The following ASPRV1 variants were observed in gnomAD, a reference collection of about 807,000 sequenced individuals.
ASPRV1 encodes aspartic peptidase retroviral like 1.
In ASPRV1, 7 loss-of-function variants were observed where a neutral mutation model predicts 11.0. That is an observed-to-expected ratio of 0.64 (90% CI 0.36 to 1.20). The LOEUF is 1.20. Among genes scored for constraint, ASPRV1 ranks in the 50% most tolerant of loss-of-function variants. ASPRV1 has a pLI of 0.02. For missense variants in ASPRV1, 299 were observed against 320.0 expected, an observed-to-expected ratio of 0.93 and a Z score of 0.50; for synonymous variants, 136 against 138.4, an observed-to-expected ratio of 0.98 and a Z score of 0.12.
At chr2:70,004,510 C>A in the ASPRV1 span, among the ~76,000 whole-genome samples, 1 of 112,948 alleles carries the variant, frequency 8.9e-6, no homozygotes. Flanking sequence ...AGCCTGGCAA[C>A]ACAGCAAAAC....
chr2:70,082,556 C>T, the ASPRV1 span, among the ~76,000 whole-genome samples: 1 of 151,978 alleles, frequency 6.6e-6, no homozygotes, highest in African/African-American at 2.4e-5. Context: ...ACTAAAAATA[C>T]ACAATCAGCC....
At chr2:70,043,397 G>A in the ASPRV1 span, among the ~76,000 whole-genome samples, 1 of 152,046 alleles carries the variant, frequency 6.6e-6, no homozygotes, top group Non-Finnish European at 1.5e-5. Flanking sequence ...CAGCCTGGGT[G>A]GCAGAGTAAG....
chr2:69,944,003 A>G, the ASPRV1 span, among the ~76,000 whole-genome samples: 2 of 152,292 alleles, frequency 1.3e-5, no homozygotes, highest in Admixed American at 1.3e-4. Flanking sequence ...TGGTACTTCT[A>G]CTTTGGAAAG....
the ASPRV1 span, among the ~76,000 whole-genome samples, chr2:69,991,584 G>A: frequency 2.6e-5 from 4 of 151,944 alleles, no homozygotes; most frequent in South Asian, 2.1e-4. Flanking sequence ...TCTCACTCTC[G>A]TTGCCCAGGC....
the ASPRV1 span, among the ~76,000 whole-genome samples, chr2:69,933,760 A>G: frequency 1.3e-5 from 2 of 152,254 alleles, no homozygotes; most frequent in African/African-American, 2.4e-5. Context: ...CACCTGTCCT[A>G]TAGCTTTCTG....
the ASPRV1 span, among the ~76,000 whole-genome samples, chr2:69,935,069 T>C: frequency 6.6e-6 from 1 of 152,220 alleles, no homozygotes; most frequent in South Asian, 2.1e-4. Flanking sequence ...TTACTGTATA[T>C]AGTATTTACA....
the ASPRV1 span, among the ~76,000 whole-genome samples, chr2:69,949,953 T>C: frequency 1.3e-5 from 2 of 152,098 alleles, no homozygotes; most frequent in Non-Finnish European, 2.9e-5. Flanking sequence ...GTAGCTGGGA[T>C]TACAGGCGTC....
the ASPRV1 span, among the ~76,000 whole-genome samples, chr2:70,034,558 G>A: frequency 1.3e-4 from 20 of 149,422 alleles, no homozygotes; most frequent in African/African-American, 4.5e-4. Flanking sequence ...GCGACAGAGC[G>A]AGACTTTGTC....
At chr2:70,078,886 G>T in the ASPRV1 span, among the ~76,000 whole-genome samples, 2 of 152,208 alleles carry the variant, frequency 1.3e-5, no homozygotes, top group Non-Finnish European at 2.9e-5. Flanking sequence ...AAGAGCAAAA[G>T]GAGGAAGACC....
At chr2:69,934,251 T>C in the ASPRV1 span, among the ~76,000 whole-genome samples, 1 of 152,204 alleles carries the variant, frequency 6.6e-6, no homozygotes, top group African/African-American at 2.4e-5. Context: ...GAGGAATCAC[T>C]GTGAGCTAGG....
the ASPRV1 span, among the ~76,000 whole-genome samples, chr2:69,954,978 T>C: frequency 4.6e-5 from 7 of 152,224 alleles, no homozygotes; most frequent in African/African-American, 1.7e-4. Context: ...TTCTCCAGGC[T>C]TGGGGGTTAC....
At chr2:69,954,373 C>A in the ASPRV1 span, among the ~76,000 whole-genome samples, 1 of 152,332 alleles carries the variant, frequency 6.6e-6, no homozygotes, top group African/African-American at 2.4e-5. Flanking sequence ...CTCTATTTTA[C>A]CCCCATTTCC....
chr2:69,933,604 G>C, the ASPRV1 span, among the ~76,000 whole-genome samples: 1 of 152,136 alleles, frequency 6.6e-6, no homozygotes, highest in East Asian at 1.9e-4. Context: ...GGAGAGTTTA[G>C]GACAACTTCC....
At chr2:70,083,767 CAA>C in the ASPRV1 span, 2 of 152,264 alleles carry the variant, frequency 1.3e-5, no homozygotes, top group African/African-American at 4.8e-5. Context: ...GAAAAATAAC[CAA>C]AGTCATCAAA....
the ASPRV1 span, among the ~76,000 whole-genome samples, chr2:69,981,743 G>C: frequency 1.3e-5 from 2 of 152,174 alleles, no homozygotes; most frequent in Admixed American, 6.5e-5. Flanking sequence ...ATTTTTAGTA[G>C]AGATGAGGTT....
chr2:69,935,330 A>G, the ASPRV1 span: 2 of 1,564,532 alleles, frequency 1.3e-6, no homozygotes, highest in Non-Finnish European at 1.8e-6. Flanking sequence ...CTCAAATGCT[A>G]CTGTGGTCTT....
At position 69,961,132 on chromosome 2, in the gene ASPRV1, A is replaced by G. The variant is rs200429927; in HGVS notation, c.305T>C (p.Ile102Thr). 16 of 1,613,818 alleles carry G rather than the reference A, an allele frequency of 9.9e-6. No homozygotes were observed. The East Asian group carries it at 3.6e-4, about 36-fold the overall frequency. Reference sequence around the variant, plus strand: ...CTTACCCATGCTGTTGGCAAAGACGATCTCTTTGGGCAGGTGGCTGGGGGC... The same window carrying G: ...CTTACCCATGCTGTTGGCAAAGACGGTCTCTTTGGGCAGGTGGCTGGGGGC... Reference protein sequence around the residue: ...GAAPSHLPKEIVFANSMGKGY... With the variant: ...GAAPSHLPKETVFANSMGKGY... Residue 102 changes from isoleucine (I) to threonine (T), a missense_variant, in exon 1 of 1, where the codon ATC becomes ACC. Coordinates refer to ENST00000320256, the MANE Select transcript of ASPRV1 (RefSeq NM_152792.4).
At chr2:69,945,711 G>A in the ASPRV1 span, among the ~76,000 whole-genome samples, 1 of 152,216 alleles carries the variant, frequency 6.6e-6, no homozygotes, top group African/African-American at 2.4e-5. Flanking sequence ...TGGGACAGGC[G>A]AACCATCTTA....
chr2:70,061,963 C>CAAA, the ASPRV1 span, among the ~76,000 whole-genome samples: 1 of 107,184 alleles, frequency 9.3e-6, no homozygotes, highest in Non-Finnish European at 2.0e-5. Context: ...AACTCTGTCT[C>CAAA]AAAAAAAAAA....
Sources: gnomAD v4.1 joint callset for allele counts (sites outside exome capture counted in the v4.1 genomes callset) on GRCh38, gnomAD v4.1.1 for gene constraint, MANE v1.5 for transcripts, NCBI Gene and HGNC (gene_info 2026-07-23, HGNC 2026-07-21) for gene names.